Variants in PLXNA4 observed in about 807,000 individuals in gnomAD.
PLXNA4 encodes plexin A4.
A neutral mutation model predicts 191.8 loss-of-function variants in PLXNA4; 44 were observed. The ratio of observed to expected loss-of-function variants is 0.23; its 90% CI spans 0.18 to 0.29. The LOEUF is 0.29. PLXNA4 is among the 10% of genes least tolerant of loss of function. PLXNA4 has a pLI of 1.00. For synonymous variants in PLXNA4, 1,082 were observed against 1,009.5 expected (o/e 1.07, Z -1.36); for missense variants, 1,800 against 2,488.8 (o/e 0.72, Z 5.89).
At chr7:132,370,686 GT>G (rs1380878896) in intron 3 of PLXNA4, among the ~76,000 whole-genome samples, 1 of 152,088 alleles carries the variant, frequency 6.6e-6, no homozygotes, top group East Asian at 1.9e-4. Flanking sequence ...AAATGTCTAT[GT>G]ATAACAAACT....
At chr7:132,626,764 A>G (rs1050863269) in intron 2 of PLXNA4, among the ~76,000 whole-genome samples, 9 of 152,244 alleles carry the variant, frequency 5.9e-5, no homozygotes, top group South Asian at 2.1e-4. Context: ...ACATCTGTCA[A>G]TCCCTAATGG....
chr7:132,293,054 G>T (rs1800950398), intron 4 of PLXNA4, among the ~76,000 whole-genome samples: 1 of 152,152 alleles, frequency 6.6e-6, no homozygotes, highest in South Asian at 2.1e-4. Context: ...CACAAAATGA[G>T]CTTGCAGAGG....
chr7:132,549,834 C>G (rs895262106), intron 1 of PLXNA4, among the ~76,000 whole-genome samples: 1 of 152,096 alleles, frequency 6.6e-6, no homozygotes, highest in Non-Finnish European at 1.5e-5. Context: ...CTTAAAATGA[C>G]TTTAGAATGC....
chr7:132,618,315 T>C (rs981680751), intron 2 of PLXNA4, among the ~76,000 whole-genome samples: 1 of 152,228 alleles, frequency 6.6e-6, no homozygotes, highest in Non-Finnish European at 1.5e-5. Flanking sequence ...TTCTTCAGCA[T>C]TCATCACGGT....
At chr7:132,395,051 G>T (rs1303146452) in intron 3 of PLXNA4, among the ~76,000 whole-genome samples, 2 of 152,258 alleles carry the variant, frequency 1.3e-5, no homozygotes, top group Non-Finnish European at 2.9e-5. Flanking sequence ...GCATCTCTCT[G>T]CAGCCTTACA....
chr7:132,556,204 A>C (rs545610989), intron 1 of PLXNA4, among the ~76,000 whole-genome samples: 17 of 152,338 alleles, frequency 1.1e-4, no homozygotes, highest in Admixed American at 2.0e-4. Flanking sequence ...CACTTGCAGA[A>C]AGTGATAATA....
chr7:132,293,204 C>T (rs913032893), intron 4 of PLXNA4, among the ~76,000 whole-genome samples: 3 of 152,170 alleles, frequency 2.0e-5, no homozygotes, highest in Non-Finnish European at 4.4e-5. Context: ...ACAAGCCTCC[C>T]GATTCAGTTG....
At chr7:132,498,405 C>T (rs4731874) in intron 2 of PLXNA4, among the ~76,000 whole-genome samples, 59,944 of 151,928 alleles carry the variant, frequency 0.39, 13,177 homozygotes, top group African/African-American at 0.6. Flanking sequence ...AGGTCTTACA[C>T]GGATGGCAGC....
At chr7:132,402,073 G>A (rs529329780) in intron 3 of PLXNA4, among the ~76,000 whole-genome samples, 13 of 152,252 alleles carry the variant, frequency 8.5e-5, no homozygotes, top group Admixed American at 2.0e-4. Flanking sequence ...GAAATGACCC[G>A]GGAAAGGGTA....
chr7:132,643,372 T>C (rs1563202232), intron 2 of PLXNA4, among the ~76,000 whole-genome samples: 2 of 151,854 alleles, frequency 1.3e-5, no homozygotes, highest in Admixed American at 6.6e-5. Context: ...CACAGCAAAG[T>C]TGTCTTAATT....
intron 3 of PLXNA4, among the ~76,000 whole-genome samples, chr7:132,332,618 G>A (rs60965058): frequency 0.018 from 2,728 of 152,130 alleles, 78 homozygotes; most frequent in African/African-American, 0.063. Context: ...GGAGGCCAAG[G>A]CGGGAGGACT....
chr7:132,578,419 G>A (rs981031359), upstream of PLXNA4, among the ~76,000 whole-genome samples: 42 of 152,158 alleles, frequency 2.8e-4, no homozygotes, highest in Admixed American at 2.0e-4. Context: ...CTCACACCCA[G>A]AAACTCCCGC....
intron 1 of PLXNA4, among the ~76,000 whole-genome samples, chr7:132,527,648 C>G (rs1021620510): frequency 1.3e-5 from 2 of 152,104 alleles, no homozygotes; most frequent in Non-Finnish European, 2.9e-5. Context: ...AAAGGCTCAG[C>G]CTGCAAAAAT....
intron 4 of PLXNA4, among the ~76,000 whole-genome samples, chr7:132,255,527 C>T (rs1799402207): frequency 6.6e-6 from 1 of 152,124 alleles, no homozygotes; most frequent in Admixed American, 6.5e-5. Flanking sequence ...TTTTAAAATT[C>T]AACTTTAAAG....
intron 21 of PLXNA4, among the ~76,000 whole-genome samples, chr7:132,169,968 G>C (rs566526047): frequency 1.3e-5 from 2 of 152,196 alleles, no homozygotes; most frequent in South Asian, 4.2e-4. Context: ...GAGTGGGAGG[G>C]ACGGCCTGGG....
chr7:132,185,335 G>T lies in PLXNA4; in HGVS notation c.3122C>A (p.Thr1041Asn). 2 of 1,613,958 alleles carry T rather than the reference G, an allele frequency of 1.2e-6. No individual in the cohort carries two copies. Among genetic ancestry groups the T allele is most frequent in the Non-Finnish European group, 1.7e-6 (2 of 1,179,952 alleles). ...CCATTCTGGCTCAATCCGCACGATG[G>T]TGGGGTCTTCCACATACTGAAAGAC... ...DLVFQYVEDP[T>N]IVRIEPEWSI... The change falls in exon 16 of 32, where the codon ACC (threonine) becomes AAC (asparagine). Residue 1041 changes from threonine (T) to asparagine (N), a missense_variant. Coordinates refer to ENST00000321063, the MANE Select transcript of PLXNA4 (RefSeq NM_020911.2).
intron 3 of PLXNA4, among the ~76,000 whole-genome samples, chr7:132,416,838 C>G (rs1416169898): frequency 6.6e-6 from 1 of 152,110 alleles, no homozygotes; most frequent in Non-Finnish European, 1.5e-5. Context: ...ATGGATGACA[C>G]CTAACAGTTC....
intron 4 of PLXNA4, among the ~76,000 whole-genome samples, chr7:132,253,998 G>A (rs1043999897): frequency 2.6e-5 from 4 of 152,166 alleles, no homozygotes; most frequent in African/African-American, 9.7e-5. Context: ...TCCTAGACCC[G>A]TTCCTTACTT....
At chr7:132,564,433 C>T (rs1162101715) in intron 1 of PLXNA4, among the ~76,000 whole-genome samples, 1 of 151,944 alleles carries the variant, frequency 6.6e-6, no homozygotes, top group African/African-American at 2.4e-5. Context: ...AGGAGCCCTT[C>T]TTCATGTCCT....
Sources: allele counts gnomAD v4.1 joint callset (sites outside exome capture counted in the v4.1 genomes callset), GRCh38; gene constraint gnomAD v4.1.1; transcripts MANE v1.5; gene names NCBI Gene and HGNC (gene_info 2026-07-23, HGNC 2026-07-21).